XKR6: variants seen among roughly 807,000 people sequenced by gnomAD.
XKR6 encodes XK related 6, also known as XK-related protein 6.
XKR6 carries 22 observed loss-of-function variants against 56.7 expected under a neutral mutation model. That is an observed-to-expected ratio of 0.39 (90% CI 0.28 to 0.55). XKR6 has a LOEUF of 0.55. XKR6 is among the 20% of genes least tolerant of loss of function. XKR6 has a pLI of 0.66. For missense variants in XKR6, 852 were observed against 889.0 expected (o/e 0.96, Z 0.53); for synonymous variants, 524 against 387.8 (o/e 1.35, Z -4.13).
In XKR6 at chr8:11,112,940, G is replaced by C. The variant is rs576771593; in HGVS notation, c.764+87636C>G. Among the ~76,000 whole-genome samples, 3 of 152,254 alleles carry C rather than the reference G, an allele frequency of 2.0e-5. No individual in the cohort carries two copies. In the East Asian group the frequency reaches 5.8e-4, roughly 29 times the overall value. On this transcript the variant is annotated intron_variant, in intron 1 of 2. Transcript: ENST00000416569. ...AAGCAGTAAGAAAATACTGTTTGTA[G>C]GGAAATTAAGTAACACAGAATTACA...
At chr8:10,923,684 G>A (rs1184404884) in intron 2 of XKR6, among the ~76,000 whole-genome samples, 2 of 152,226 alleles carry the variant, frequency 1.3e-5, no homozygotes, top group Non-Finnish European at 2.9e-5. Flanking sequence ...GAGGAGGTCC[G>A]TGTGGGTGTC....
At chr8:11,192,264 T>C (rs1585039978) in intron 1 of XKR6, among the ~76,000 whole-genome samples, 2 of 151,940 alleles carry the variant, frequency 1.3e-5, no homozygotes, top group Non-Finnish European at 2.9e-5. Context: ...GTTCAAGCGA[T>C]TCTGCTGCCT....
intron 1 of XKR6, among the ~76,000 whole-genome samples, chr8:11,103,808 GC>G (rs1275083506): frequency 6.6e-6 from 1 of 152,098 alleles, no homozygotes; most frequent in Non-Finnish European, 1.5e-5. Flanking sequence ...CATATTTTAG[GC>G]AAAATCATTT....
chr8:11,045,987 G>A (rs1315440236), intron 1 of XKR6, among the ~76,000 whole-genome samples: 1 of 152,218 alleles, frequency 6.6e-6, no homozygotes, highest in African/African-American at 2.4e-5. Context: ...CTGTTGTTGA[G>A]AGAATGTAAA....
chr8:11,013,697 T>A (rs940520437), intron 1 of XKR6, among the ~76,000 whole-genome samples: 2 of 152,164 alleles, frequency 1.3e-5, no homozygotes, highest in African/African-American at 4.8e-5. Flanking sequence ...TGGGAGGGCC[T>A]CCCCTAGCTG....
intron 1 of XKR6, among the ~76,000 whole-genome samples, chr8:11,089,925 T>C (rs1338409778): frequency 6.6e-6 from 1 of 152,248 alleles, no homozygotes; most frequent in African/African-American, 2.4e-5. Flanking sequence ...TATAATAGTT[T>C]GTTTTAAAAT....
chr8:11,061,122 G>A (rs1198650026), intron 1 of XKR6, among the ~76,000 whole-genome samples: 1 of 152,208 alleles, frequency 6.6e-6, no homozygotes, highest in Non-Finnish European at 1.5e-5. Flanking sequence ...AAGGTTCCTT[G>A]CTGGGGCTAA....
intron 2 of XKR6, among the ~76,000 whole-genome samples, chr8:10,911,840 AAGGG>A (rs1244047452): frequency 4.6e-5 from 7 of 150,772 alleles, no homozygotes; most frequent in African/African-American, 9.7e-5. Context: ...TATATATAGA[AAGGG>A]AGGGTGTGTG....
chr8:10,904,363 C>T (rs1015951445), intron 2 of XKR6, among the ~76,000 whole-genome samples: 46 of 152,134 alleles, frequency 3.0e-4, no homozygotes, highest in Non-Finnish European at 5.6e-4. Context: ...GCCCTGGGGT[C>T]TCAGGTTCCA....
At position 11,201,660 on chromosome 8, in the gene XKR6, C is replaced by G. The variant is rs1161945148; in HGVS notation, c.-321G>C. 6.6e-6 allele frequency among the ~76,000 whole-genome samples: 1 copy of G among 152,208 alleles called. No individual in the cohort carries two copies. The highest frequency in any genetic ancestry group is 6.5e-5 in the Admixed American group (1 of 15,286). On this transcript the variant is annotated 5_prime_UTR_variant, in exon 1 of 3. Transcript: ENST00000416569. ...TTCTCCCCGCCAGGGCTCCCCTTCC[C>G]CTCTTCCGTTGACCCCGAAACCCAT...
intron 1 of XKR6, among the ~76,000 whole-genome samples, chr8:10,949,345 C>A (rs928028234): frequency 6.6e-6 from 1 of 152,252 alleles, no homozygotes; most frequent in Non-Finnish European, 1.5e-5. Flanking sequence ...CCAGCATGGG[C>A]CCCCTTCATC....
rs1305835655 is a variant in XKR6, at chr8:11,200,545, C to A, written c.764+31G>T. ...GAGGGCGGAGGGGGGCTCCTCAGGG[C>A]CGGCCCGCCCCCACCCCGCAGTGCT... is the stretch of plus-strand genomic sequence containing the variant. On this transcript the variant is annotated intron_variant, in intron 1 of 2. Transcript: ENST00000416569. The surrounding 1 kb of genome is among the most constrained non-coding windows in gnomAD (Gnocchi z 6.4). 1.4e-6 allele frequency: 2 copies of A among 1,434,944 alleles called. No individual in the cohort carries two copies. Among genetic ancestry groups the A allele is most frequent in the Non-Finnish European group, 1.8e-6 (2 of 1,103,712 alleles). The allele number at this position is 1,434,944 out of a possible 1,614,324, so 88.9% of individuals were successfully genotyped here.
chr8:10,989,163 T>G (rs1000805731), intron 1 of XKR6, among the ~76,000 whole-genome samples: 3 of 152,196 alleles, frequency 2.0e-5, no homozygotes, highest in Admixed American at 1.3e-4. Flanking sequence ...GGGTGATGCC[T>G]CACAGGGGCA....
At chr8:11,195,502 G>C (rs1803828886) in intron 1 of XKR6, among the ~76,000 whole-genome samples, 1 of 152,020 alleles carries the variant, frequency 6.6e-6, no homozygotes, top group South Asian at 2.1e-4. Context: ...CTGCACATTG[G>C]TCTAATTATT....
intron 1 of XKR6, among the ~76,000 whole-genome samples, chr8:10,993,921 T>C (rs2129141084): frequency 6.6e-6 from 1 of 152,308 alleles, no homozygotes; most frequent in South Asian, 2.1e-4. Flanking sequence ...CTGGAGTGAA[T>C]TCTGCAGCTG....
At chr8:10,975,744 C>G (rs1464412395) in intron 1 of XKR6, among the ~76,000 whole-genome samples, 1 of 152,212 alleles carries the variant, frequency 6.6e-6, no homozygotes, top group Non-Finnish European at 1.5e-5. Context: ...CCCAGCTGAC[C>G]GCAAGGCCGA....
intron 1 of XKR6, among the ~76,000 whole-genome samples, chr8:10,951,299 G>T (rs933972414): frequency 2.1e-4 from 25 of 117,542 alleles, no homozygotes; most frequent in Admixed American, 1.5e-3. Context: ...GTGTGTGTGT[G>T]GGGGGGGGGG....
intron 1 of XKR6, among the ~76,000 whole-genome samples, chr8:10,995,808 G>A (rs1798099302): frequency 6.6e-6 from 1 of 152,162 alleles, no homozygotes; most frequent in Non-Finnish European, 1.5e-5. Context: ...GGAGGAAAAG[G>A]AGACTCTTCC....
chr8:11,086,006 T>C (rs1033325564), intron 1 of XKR6, among the ~76,000 whole-genome samples: 8 of 152,056 alleles, frequency 5.3e-5, no homozygotes, highest in African/African-American at 1.9e-4. Flanking sequence ...CTAAGCTTCT[T>C]AATCAAAGTC....
Sources: allele counts gnomAD v4.1 joint callset (sites outside exome capture counted in the v4.1 genomes callset), GRCh38; gene constraint gnomAD v4.1.1; non-coding constraint Gnocchi (gnomAD v3.1); transcripts MANE v1.5; gene names NCBI Gene and HGNC (gene_info 2026-07-23, HGNC 2026-07-21).